A2ML1: variants seen among roughly 807,000 people sequenced by gnomAD.
A2ML1 encodes the protein alpha-2-macroglobulin like 1, also known as alpha-2-macroglobulin-like protein 1.
A neutral mutation model predicts 181.9 loss-of-function variants in A2ML1; 161 were observed. The observed-to-expected ratio is 0.89, with a 90% confidence interval of 0.78 to 1.01. The LOEUF (loss-of-function observed/expected upper bound fraction) is 1.01, where lower values mean the gene tolerates loss of function less well. Ranked by LOEUF, A2ML1 falls within the 50% of genes least tolerant of loss-of-function variation. A2ML1 has a pLI of 0.00. For synonymous variants in A2ML1, 663 were observed against 666.8 expected, an observed-to-expected ratio of 0.99 and a Z score of 0.09; for missense variants, 1,670 against 1,768.1, an observed-to-expected ratio of 0.94 and a Z score of 1.00.
chr12:8,879,781 A>G (rs147677306), downstream of A2ML1, among the ~76,000 whole-genome samples: 25 of 152,342 alleles, frequency 1.6e-4, no homozygotes, highest in East Asian at 4.8e-3. Flanking sequence ...GAACATGTAC[A>G]TTGTCCAACT....
In A2ML1 at chr12:8,860,956, G is replaced by GT. The variant is rs774672250; in HGVS notation, c.3339+2dup. ...GCTGGAGATGGGAAAGGATGTAGATGTAAGTTCTCCTGGCTCCTGCTCTTG... is the reference window on the plus strand; with the variant it reads ...GCTGGAGATGGGAAAGGATGTAGATGTTAAGTTCTCCTGGCTCCTGCTCTTG... On this transcript the variant is annotated splice_donor_variant, in intron 27 of 35. Coordinates refer to ENST00000299698, the MANE Select transcript of A2ML1 (RefSeq NM_144670.6). LOFTEE classifies it high-confidence loss of function. 4 of 1,614,116 alleles carry GT rather than the reference G, an allele frequency of 2.5e-6. No homozygotes were observed. The highest frequency in any genetic ancestry group is 2.5e-6 in the Non-Finnish European group (3 of 1,180,036).
At chr12:8,837,697 TG>T in intron 8 of A2ML1, 131 bp downstream of exon 8, 1 of 984,098 alleles carries the variant, frequency 1.0e-6, no homozygotes, top group Non-Finnish European at 1.4e-6. Flanking sequence ...CTGACCAATA[TG>T]GGGAAACCCC....
chr12:8,846,330 C>A, intron 14 of A2ML1, 108 bp downstream of exon 14: 1 of 1,262,178 alleles, frequency 7.9e-7, no homozygotes, highest in Non-Finnish European at 1.1e-6. Flanking sequence ...ATAGTGTTGA[C>A]GTTGGATGTT....
chr12:8,851,099 C>T (rs1051335055), intron 18 of A2ML1, among the ~76,000 whole-genome samples: 3 of 152,234 alleles, frequency 2.0e-5, no homozygotes, highest in African/African-American at 4.8e-5. Flanking sequence ...CAATTCCACA[C>T]TCACACATTG....
Position 8,864,001 on chromosome 12 carries a change from C to T in A2ML1, c.3710C>T (p.Ser1237Phe), listed in dbSNP as rs1181948169. The T allele has an allele frequency of 3.1e-6, 5 of 1,611,674 alleles. No homozygotes were observed. Among genetic ancestry groups the T allele is most frequent in the Non-Finnish European group, 4.2e-6 (5 of 1,179,648 alleles). The stretch of plus-strand genomic sequence containing the variant: ...CACAATGCATATGGGGGCTTCTCTT[C>T]TACTCAGGTAAACAGCCTGTTCTCC... ...KQHNAYGGFSSTQDTVVALQA... is the reference protein window; with the variant it reads ...KQHNAYGGFSFTQDTVVALQA... The change falls in exon 29 of 36, where the codon TCT becomes TTT. Residue 1237 changes from serine to phenylalanine, a missense_variant. By Grantham distance (155) the Ser-to-Phe change is radical. Coordinates refer to ENST00000299698, the MANE Select transcript of A2ML1 (RefSeq NM_144670.6).
At chr12:8,845,105 C>T (rs1943622664) in intron 12 of A2ML1, 2 of 1,451,024 alleles carry the variant, frequency 1.4e-6, no homozygotes, top group Non-Finnish European at 1.8e-6. Context: ...TTTTCGCTGA[C>T]TTTCTGTTAC....
At chr12:8,834,965 G>C in intron 5 of A2ML1, 1 of 473,286 alleles carries the variant, frequency 2.1e-6, no homozygotes, top group Non-Finnish European at 3.7e-6. Flanking sequence ...GACTTAACCA[G>C]GCTTGGTTCC....
In A2ML1 at chr12:8,849,650, T is replaced by C. The variant is rs999802318; in HGVS notation, c.2029-19T>C. 2 of 1,609,992 alleles carry C rather than the reference T, an allele frequency of 1.2e-6. No individual in the cohort carries two copies. Among genetic ancestry groups the C allele is most frequent in the Admixed American group, 1.7e-5 (1 of 60,002 alleles). On this transcript the variant is annotated intron_variant, in intron 16 of 35. Transcript: ENST00000299698. The stretch of plus-strand genomic sequence containing the variant: ...GGGGAAGGGACCACCTTAATACTTA[T>C]TTCTCTGATGCCTATCAGGACGTGG...
intron 7 of A2ML1, among the ~76,000 whole-genome samples, chr12:8,836,913 A>G (rs11612855): frequency 0.25 from 37,836 of 152,154 alleles, 5,877 homozygotes; most frequent in Non-Finnish European, 0.36. Flanking sequence ...AAAGAAAGAT[A>G]CTGTTTCCGT....
chr12:8,843,344 A>G lies in A2ML1; in HGVS notation c.1459A>G (p.Ile487Val). The G allele has an allele frequency of 6.2e-7, 1 of 1,614,044 alleles. No homozygotes were observed. Among genetic ancestry groups the G allele is most frequent in the Non-Finnish European group, 8.5e-7 (1 of 1,179,924 alleles). The change falls in exon 12 of 36, where the codon ATC becomes GTC. Residue 487 changes from isoleucine (I) to valine (V), a missense_variant. By Grantham distance (29) the Ile-to-Val change is conservative. Transcript: ENST00000299698. ...DPADASPDQE[I>V]SFSYYLIGKG... ...GGCCGATGCAAGCCCTGACCAAGAG[A>G]TCAGCTTCTCCTACTATGTGAGACC... is the stretch of plus-strand genomic sequence containing the variant.
At position 8,864,342 on chromosome 12, in the gene A2ML1, A is replaced by T. The variant is rs1219475667; in HGVS notation, c.3717+334A>T. Among the ~76,000 whole-genome samples, 2 of 13,850 alleles carry T rather than the reference A, an allele frequency of 1.4e-4. 1 individual carries two copies. The highest frequency in any genetic ancestry group is 1.5e-4 in the African/African-American group (2 of 13,002). 9.1% of individuals were successfully genotyped at this position (13,850 alleles called of 152,430 possible). On this transcript the variant is annotated intron_variant, in intron 29 of 35. Coordinates refer to ENST00000299698, the MANE Select transcript of A2ML1 (RefSeq NM_144670.6). ...AGTCTGGCCAACATGATGAAACCCC[A>T]TCTCTACTAAAAATACAAAAATTAG...
At position 8,857,208 on chromosome 12, in the gene A2ML1, C is replaced by T. The variant is rs1221435462; in HGVS notation, c.2893C>T (p.Gln965Ter). 6.8e-6 allele frequency: 11 copies of T among 1,612,768 alleles called. No individual in the cohort carries two copies. The highest frequency in any genetic ancestry group is 1.7e-5 in the Admixed American group (1 of 59,990). ...TALQNLDGLV[Q>*]MPSGCGEQNM... ...CCTGCAGAACCTGGATGGTCTGGTG[C>T]AGATGCCCAGTGGCTGTGGCGAGCA... The change falls in exon 24 of 36, where the codon CAG (glutamine) becomes TAG (stop). Residue 965 changes from glutamine (Q) to a stop codon, truncating the protein, a stop_gained. Transcript: ENST00000299698. LOFTEE classifies it high-confidence loss of function.
chr12:8,829,606 G>A (rs1943042545), intron 3 of A2ML1, 121 bp from the exon 4 acceptor site: 11 of 930,666 alleles, frequency 1.2e-5, no homozygotes, highest in East Asian at 4.9e-5. Flanking sequence ...AGTGAGCCAC[G>A]GTTGTGCCAC....
chr12:8,838,513 A>G (rs1943361986), intron 9 of A2ML1, 63 bp downstream of exon 9: 4 of 1,311,362 alleles, frequency 3.1e-6, no homozygotes, highest in East Asian at 2.3e-5. Flanking sequence ...TCCCAGGGAC[A>G]GATTTACTCC....
chr12:8,867,520 G>A (rs763766636), intron 29 of A2ML1, among the ~76,000 whole-genome samples: 31 of 152,194 alleles, frequency 2.0e-4, no homozygotes, highest in African/African-American at 7.2e-4. Context: ...GGTGGCACAC[G>A]CCTGTAATCC....
rs1233020188 is a variant in A2ML1, at chr12:8,839,230, A to G, written c.1080+8A>G. ...TTCCCCTTCAGTGGGAAGGTATGTT[A>G]AAACTTTTCTCTGCATAGACAAAAA... is the stretch of plus-strand genomic sequence containing the variant. On this transcript the variant is annotated splice_region_variant and intron_variant, in intron 10 of 35. Transcript: ENST00000299698. 6.2e-7 allele frequency: 1 copy of G among 1,605,774 alleles called. No individual in the cohort carries two copies. Among genetic ancestry groups the G allele is most frequent in the Non-Finnish European group, 8.5e-7 (1 of 1,173,390 alleles).
chr12:8,841,274 C>A, intron 10 of A2ML1, 95 bp from the exon 11 acceptor site: 1 of 1,187,324 alleles, frequency 8.4e-7, no homozygotes, highest in Non-Finnish European at 1.2e-6. Flanking sequence ...TGCCAAAAAC[C>A]ACAATTAGTT....
intron 28 of A2ML1, among the ~76,000 whole-genome samples, chr12:8,863,420 A>G (rs1944336046): frequency 6.6e-6 from 1 of 152,090 alleles, no homozygotes; most frequent in Non-Finnish European, 1.5e-5. Flanking sequence ...CTTTGATTAA[A>G]TGAAATAAAT....
intron 15 of A2ML1, among the ~76,000 whole-genome samples, chr12:8,848,331 A>C (rs982567265): frequency 6.6e-6 from 1 of 151,752 alleles, no homozygotes; most frequent in African/African-American, 2.4e-5. Flanking sequence ...AAATACAAAA[A>C]TTAGCCAGGC....
Sources: allele counts gnomAD v4.1 joint callset (sites outside exome capture counted in the v4.1 genomes callset), GRCh38; gene constraint gnomAD v4.1.1; transcripts MANE v1.5; gene names NCBI Gene and HGNC (gene_info 2026-07-23, HGNC 2026-07-21).